Variants in TRPM7 observed in about 807,000 individuals in gnomAD.
The protein encoded by TRPM7 is LTRPC ion channel family member 7.
TRPM7 carries 134 observed loss-of-function variants against 229.7 expected under a neutral mutation model. The observed-to-expected ratio is 0.58, with a 90% CI of 0.51 to 0.67. The LOEUF is 0.67. Ranked by LOEUF, TRPM7 falls within the 30% of genes least tolerant of loss-of-function variation. TRPM7 has a pLI of 0.00. For synonymous variants in TRPM7, 699 were observed against 715.2 expected, an observed-to-expected ratio of 0.98 and a Z score of 0.36; for missense variants, 1,901 against 2,210.0, an observed-to-expected ratio of 0.86 and a Z score of 2.80.
chr15:50,686,548 G>A lies in TRPM7; in HGVS notation c.-15C>T, dbSNP rs769732537. 6.6e-5 allele frequency: 106 copies of A among 1,609,898 alleles called. No homozygotes were observed. The East Asian group carries it at 2.2e-3, about 34-fold the overall frequency. Reference sequence around the variant, plus strand: ...TCCAGTACCATTCTCCTCACGGGGCGGACTCCGGAAGGGCAGCAACTCCAC... The same window carrying A: ...TCCAGTACCATTCTCCTCACGGGGCAGACTCCGGAAGGGCAGCAACTCCAC... On this transcript the variant is annotated 5_prime_UTR_variant, in exon 1 of 39. Coordinates refer to ENST00000646667, the MANE Select transcript of TRPM7 (RefSeq NM_017672.6).
chr15:50,602,785 G>C (rs541040496), intron 21 of TRPM7, among the ~76,000 whole-genome samples: 12 of 152,268 alleles, frequency 7.9e-5, no homozygotes, highest in African/African-American at 2.9e-4. Context: ...AACTTCCAAA[G>C]GGGATGTAAA....
chr15:50,673,809 T>G (rs930312914), intron 1 of TRPM7, among the ~76,000 whole-genome samples: 3 of 152,202 alleles, frequency 2.0e-5, no homozygotes, highest in African/African-American at 7.2e-5. Flanking sequence ...GGGACTGCTG[T>G]ATCAAATGGT....
At chr15:50,622,838 A>T (rs563309241) in intron 12 of TRPM7, among the ~76,000 whole-genome samples, 1 of 152,292 alleles carries the variant, frequency 6.6e-6, no homozygotes, top group African/African-American at 2.4e-5. Context: ...GTGAGCCCAG[A>T]TCGTGCCACT....
chr15:50,593,502 C>T lies in TRPM7; in HGVS notation c.3608+115G>A, dbSNP rs1596130547. The T allele has an allele frequency of 2.7e-5, 30 of 1,129,620 alleles. No homozygotes were observed. In the East Asian group the frequency reaches 6.5e-4, roughly 25 times the overall value. The allele number at this position is 1,129,620 out of a possible 1,614,324, so 70.0% of individuals were successfully genotyped here. A position where few individuals can be genotyped will look rare whatever the true frequency, so the allele number is the denominator to read the frequency against. On this transcript the variant is annotated intron_variant, in intron 25 of 38. Transcript: ENST00000646667. The stretch of plus-strand genomic sequence containing the variant: ...GATCTTTCCAATACATCATGTAAAA[C>T]TGTAACTATGCTTATTGTTTGACAA...
At chr15:50,628,752 T>A (rs1384509413) in intron 10 of TRPM7, among the ~76,000 whole-genome samples, 1 of 152,180 alleles carries the variant, frequency 6.6e-6, no homozygotes, top group Non-Finnish European at 1.5e-5. Flanking sequence ...ATATTCCCAT[T>A]CATTGCAAAC....
At chr15:50,576,091 T>TG (rs2054118119) in intron 31 of TRPM7, among the ~76,000 whole-genome samples, 172 bp from the exon 32 acceptor site, 1 of 152,224 alleles carries the variant, frequency 6.6e-6, no homozygotes, top group Non-Finnish European at 1.5e-5. Flanking sequence ...CCCTATTTCA[T>TG]TATGCCAGAT....
At chr15:50,562,465 T>G (rs1050215304) in intron 38 of TRPM7, among the ~76,000 whole-genome samples, 1 of 152,120 alleles carries the variant, frequency 6.6e-6, no homozygotes, top group Non-Finnish European at 1.5e-5. Context: ...GACAGAATTA[T>G]AAGCAGTAAA....
chr15:50,604,063 T>C (rs1332281459), intron 21 of TRPM7: 2 of 152,106 alleles, frequency 1.3e-5, no homozygotes, highest in Non-Finnish European at 2.9e-5. Flanking sequence ...TATTACAAAT[T>C]TTGCCTTTTT....
At position 50,607,274 on chromosome 15, in the gene TRPM7, C is replaced by T. The variant is rs780007569; in HGVS notation, c.2635G>A (p.Glu879Lys). The T allele has an allele frequency of 6.2e-7, 1 of 1,606,858 alleles. No homozygotes were observed. The highest frequency in any genetic ancestry group is 1.7e-5 in the Admixed American group (1 of 59,122). The stretch of plus-strand genomic sequence containing the variant: ...CATTCTTGAACTGAAGGTAACTGTT[C>T]CATTTGTACAAGAACCACAAATGTA... ...LYTFVVLVQM[E>K]QLPSVQEWIV... Residue 879 changes from glutamate (E) to lysine (K), a missense_variant, in exon 20 of 39, where the codon GAA becomes AAA. Glu to Lys is a moderately conservative substitution (Grantham distance 56, BLOSUM62 1). This residue lies in a region of TRPM7 where 207 missense variants were observed against 241.5 expected (regional missense o/e 0.86). Coordinates refer to ENST00000646667, the MANE Select transcript of TRPM7 (RefSeq NM_017672.6).
At chr15:50,580,972 T>C in intron 29 of TRPM7, 64 bp from the exon 30 acceptor site, 1 of 1,499,040 alleles carries the variant, frequency 6.7e-7, no homozygotes, top group South Asian at 1.3e-5. Flanking sequence ...AGATGAAGCA[T>C]AACGGTTTAA....
chr15:50,619,968 A>C (rs1162972645), intron 12 of TRPM7, among the ~76,000 whole-genome samples, 170 bp from the exon 13 acceptor site: 1 of 152,228 alleles, frequency 6.6e-6, no homozygotes, highest in East Asian at 1.9e-4. Flanking sequence ...CTGCCAAAAA[A>C]CAAATAATCT....
intron 1 of TRPM7, among the ~76,000 whole-genome samples, chr15:50,673,065 A>AGT (rs1567121977): frequency 0.024 from 3,687 of 151,222 alleles, 142 homozygotes; most frequent in African/African-American, 0.086. Flanking sequence ...AGCTAGCGTT[A>AGT]ATTTATTATT....
Position 50,592,533 on chromosome 15 carries a change from A to G in TRPM7, c.3702T>C (p.His1234=). Reference sequence around the variant, plus strand: ...CCGTCAGGGCTGAAAGATCTTGCAAATGGCCAATTTGAGAATCTAATGATT... The same window carrying G: ...CCGTCAGGGCTGAAAGATCTTGCAAGTGGCCAATTTGAGAATCTAATGATT... ...SLQSLDSQIG[H]LQDLSALTVD... The change falls in exon 26 of 39, where the codon CAT becomes CAC. Residue 1234 remains histidine (H), a synonymous_variant. Coordinates refer to ENST00000646667, the MANE Select transcript of TRPM7 (RefSeq NM_017672.6). 6.2e-7 allele frequency: 1 copy of G among 1,613,496 alleles called. No individual in the cohort carries two copies. Among genetic ancestry groups the G allele is most frequent in the Middle Eastern group, 1.6e-4 (1 of 6,062 alleles).
chr15:50,593,876 C>A, intron 24 of TRPM7, 127 bp from the exon 25 acceptor site: 1 of 877,584 alleles, frequency 1.1e-6, no homozygotes, highest in Non-Finnish European at 1.7e-6. Flanking sequence ...TAAACTTTTA[C>A]TACTATGCTT....
rs56160719 is a variant in TRPM7 at position 50,558,730 on chromosome 15, AT to A, written c.*2947del. ...ATAAATAAAAATGAAAAATAAAAAAATATATATATAAAATTAGGTACGTGTG... is the reference window on the plus strand; with the variant it reads ...ATAAATAAAAATGAAAAATAAAAAAAATATATATAAAATTAGGTACGTGTG... On this transcript the variant is annotated 3_prime_UTR_variant, in exon 39 of 39. Transcript: ENST00000646667. 27,444 of 151,576 alleles carry A rather than the reference AT, an allele frequency of 0.18. 3,199 individuals carry two copies. Among genetic ancestry groups the A allele is most frequent in the East Asian group, 0.46 (2,368 of 5,134 alleles). The allele number at this position is 151,576 out of a possible 1,614,324, so 9.4% of individuals were successfully genotyped here. A position where few individuals can be genotyped will look rare whatever the true frequency, so the allele number is the denominator to read the frequency against.
chr15:50,643,943 TA>T (rs74345063), intron 4 of TRPM7, among the ~76,000 whole-genome samples: 50,014 of 151,878 alleles, frequency 0.33, 10,029 homozygotes, highest in Admixed American at 0.47. Context: ...AAAAAGGAAT[TA>T]GGGGGGAAAA....
chr15:50,657,192 C>T (rs543866514), intron 3 of TRPM7, among the ~76,000 whole-genome samples: 1 of 152,158 alleles, frequency 6.6e-6, no homozygotes, highest in African/African-American at 2.4e-5. Context: ...GGCATGGTGG[C>T]GCATGCCTGT....
intron 28 of TRPM7, among the ~76,000 whole-genome samples, chr15:50,585,050 ATTTT>A (rs755433337): frequency 4.2e-5 from 4 of 95,058 alleles, no homozygotes; most frequent in Non-Finnish European, 6.0e-5. Flanking sequence ...TAATTTTTGT[ATTTT>A]TTTTTTTTTT....
intron 13 of TRPM7, 40 bp from the exon 14 acceptor site, chr15:50,614,303 C>T (rs1401011886): frequency 6.5e-7 from 1 of 1,536,456 alleles, no homozygotes; most frequent in Non-Finnish European, 8.8e-7. Flanking sequence ...TCAGATAGCA[C>T]TTCTCAATAT....
Sources: gnomAD v4.1 joint callset for allele counts (sites outside exome capture counted in the v4.1 genomes callset) on GRCh38, gnomAD v4.1.1 for gene constraint, gnomAD v4.1.1 regional missense constraint, MANE v1.5 for transcripts, NCBI Gene and HGNC (gene_info 2026-07-23, HGNC 2026-07-21) for gene names.